The following C1orf198 variants were observed in gnomAD, a reference collection of about 807,000 sequenced individuals.
C1orf198 encodes the protein uncharacterized protein C1orf198.
In C1orf198, 17 loss-of-function variants were observed where a neutral mutation model predicts 31.4. The observed-to-expected ratio is 0.54, with a 90% CI of 0.37 to 0.81. C1orf198 has a LOEUF of 0.81. Among genes scored for constraint, C1orf198 ranks in the 40% least tolerant of loss-of-function variants. C1orf198 has a pLI of 0.00. For missense variants in C1orf198, 401 were observed against 450.3 expected (o/e 0.89, Z 0.99); for synonymous variants, 175 against 193.8 (o/e 0.90, Z 0.81).
At chr1:230,861,071 C>G (rs531190014) in intron 1 of C1orf198, among the ~76,000 whole-genome samples, 2 of 152,076 alleles carry the variant, frequency 1.3e-5, no homozygotes, top group African/African-American at 4.8e-5. Flanking sequence ...GCCTGGGGGG[C>G]GGGAGGCATG....
intron 1 of C1orf198, among the ~76,000 whole-genome samples, chr1:230,867,117 C>T (rs1484892997): frequency 2.0e-4 from 31 of 152,180 alleles, no homozygotes; most frequent in Admixed American, 2.0e-3. Flanking sequence ...TCTCTCCCAG[C>T]TTCTCCTTCC....
intron 1 of C1orf198, among the ~76,000 whole-genome samples, chr1:230,861,808 G>A (rs1391888089): frequency 6.6e-6 from 1 of 152,232 alleles, no homozygotes; most frequent in Non-Finnish European, 1.5e-5. Flanking sequence ...TAGGCGGGGA[G>A]TGAGGGGCTT....
rs373887886 is a variant in C1orf198, at chr1:230,843,334, C to T, written c.927+20G>A. On this transcript the variant is annotated intron_variant, in intron 3 of 3. Transcript: ENST00000366663. This position sits in a 1 kb window ranked among gnomAD's most constrained non-coding sequence, Gnocchi z 4.9. ...TAAGGCACCATCCCATCTGAGGACG[C>T]GCTGGTAAAGGCCACTCACCTGTGC... 1.2e-4 allele frequency: 193 copies of T among 1,550,848 alleles called. No individual in the cohort carries two copies. In the African/African-American group the frequency reaches 1.8e-3, roughly 14 times the overall value.
Position 230,843,977 on chromosome 1 carries a change from C to G in C1orf198, c.385-81G>C. ...GTCACAAGTGTGCCAGCTCACGCAC[C>G]CCTCCTCAGCATAAGGACGCACACC... On this transcript the variant is annotated intron_variant, in intron 2 of 3. Transcript: ENST00000366663. This position sits in a 1 kb window ranked among gnomAD's most constrained non-coding sequence, Gnocchi z 4.9. 1 of 1,391,552 alleles carries G rather than the reference C, an allele frequency of 7.2e-7. No individual in the cohort carries two copies. The highest frequency in any genetic ancestry group is 9.6e-7 in the Non-Finnish European group (1 of 1,038,394). 86.2% of individuals were successfully genotyped at this position (1,391,552 alleles called of 1,614,324 possible).
intron 2 of C1orf198, 60 bp downstream of exon 2, chr1:230,855,608 A>G: frequency 6.4e-7 from 1 of 1,560,810 alleles, no homozygotes; most frequent in Non-Finnish European, 8.7e-7. Flanking sequence ...TGAAAGAAAA[A>G]TATACAACTA....
chr1:230,843,048 T>C lies in C1orf198; in HGVS notation c.927+306A>G, dbSNP rs574052454. On this transcript the variant is annotated intron_variant, in intron 3 of 3. Coordinates refer to ENST00000366663, the MANE Select transcript of C1orf198 (RefSeq NM_032800.3). This position sits in a 1 kb window ranked among gnomAD's most constrained non-coding sequence, Gnocchi z 4.9. The stretch of plus-strand genomic sequence containing the variant: ...ACACAGCTTTGAGCTGTGACAGCCC[T>C]GGGCGCAGCGCCTTCCAGGGGCCTC... Among the ~76,000 whole-genome samples the C allele has an allele frequency of 5.3e-5, 8 of 152,360 alleles. No individual in the cohort carries two copies. The highest frequency in any genetic ancestry group is 1.0e-4 in the Non-Finnish European group (7 of 68,028).
intron 1 of C1orf198, among the ~76,000 whole-genome samples, chr1:230,860,365 C>A (rs970533534): frequency 6.6e-6 from 1 of 152,152 alleles, no homozygotes. Flanking sequence ...TAGGTATACA[C>A]CCGAAAGAAC....
At chr1:230,851,698 C>T (rs1337428251) in intron 2 of C1orf198, among the ~76,000 whole-genome samples, 2 of 152,192 alleles carry the variant, frequency 1.3e-5, no homozygotes, top group Non-Finnish European at 2.9e-5. Flanking sequence ...TGGAAGAAGT[C>T]TGGGTAACAG....
intron 1 of C1orf198, among the ~76,000 whole-genome samples, chr1:230,865,089 C>T (rs375016328): frequency 6.6e-5 from 10 of 152,330 alleles, no homozygotes; most frequent in African/African-American, 1.2e-4. Context: ...CCAAAGTGCA[C>T]GGCCCCAGTG....
At chr1:230,848,895 G>A (rs1052078307) in intron 2 of C1orf198, among the ~76,000 whole-genome samples, 20 of 152,144 alleles carry the variant, frequency 1.3e-4, no homozygotes, top group African/African-American at 4.8e-4. Context: ...CCAGGTGGGG[G>A]CCCAGGGGAG....
At chr1:230,863,632 G>A (rs1343725101) in intron 1 of C1orf198, among the ~76,000 whole-genome samples, 1 of 152,224 alleles carries the variant, frequency 6.6e-6, no homozygotes, top group Non-Finnish European at 1.5e-5. Context: ...GGTGCCTGGG[G>A]AGGAGAGGCC....
intron 1 of C1orf198, among the ~76,000 whole-genome samples, chr1:230,867,127 C>T (rs1222098151): frequency 2.0e-4 from 30 of 152,182 alleles, no homozygotes; most frequent in Admixed American, 2.0e-3. Context: ...CTTCTCCTTC[C>T]TCTAGCCCAA....
intron 1 of C1orf198, among the ~76,000 whole-genome samples, chr1:230,866,757 A>C (rs999311064): frequency 6.6e-6 from 1 of 152,210 alleles, no homozygotes; most frequent in Non-Finnish European, 1.5e-5. Flanking sequence ...GGGCGCAAAC[A>C]CTGCACACAA....
chr1:230,851,752 AGGGTGGACAGGCTGGAAAACCAGGT>A (rs1276202361), intron 2 of C1orf198, among the ~76,000 whole-genome samples: 1 of 152,202 alleles, frequency 6.6e-6, no homozygotes, highest in Non-Finnish European at 1.5e-5. Flanking sequence ...CAACCGAGGC[AGGGTGGACAGGCTGGAAAACCAGGT>A]GGGTGCACAG....
At chr1:230,864,686 C>T (rs761629428) in intron 1 of C1orf198, among the ~76,000 whole-genome samples, 2 of 152,118 alleles carry the variant, frequency 1.3e-5, no homozygotes, top group Non-Finnish European at 2.9e-5. Context: ...TAGGTCCACG[C>T]GAACAAGACG....
At chr1:230,866,662 G>T (rs1670125715) in intron 1 of C1orf198, among the ~76,000 whole-genome samples, 1 of 152,130 alleles carries the variant, frequency 6.6e-6, no homozygotes, top group South Asian at 2.1e-4. Context: ...TCCAACATTT[G>T]TAAGTACTTA....
intron 1 of C1orf198, among the ~76,000 whole-genome samples, chr1:230,860,999 C>A (rs557716394): frequency 3.3e-4 from 50 of 152,118 alleles, no homozygotes; most frequent in Non-Finnish European, 5.3e-4. Flanking sequence ...ATGATTCCAG[C>A]TATATGATAT....
At chr1:230,862,285 T>A (rs1164591357) in intron 1 of C1orf198, among the ~76,000 whole-genome samples, 1 of 152,242 alleles carries the variant, frequency 6.6e-6, no homozygotes, top group African/African-American at 2.4e-5. Context: ...CACAGCTCCA[T>A]GCACAACTGT....
intron 2 of C1orf198, among the ~76,000 whole-genome samples, chr1:230,845,255 G>A (rs1048200474): frequency 4.7e-4 from 69 of 148,374 alleles, no homozygotes; most frequent in African/African-American, 1.6e-3. Flanking sequence ...GATGACACAC[G>A]CCTGTGGTCC....
Sources: gnomAD v4.1 joint callset for allele counts (sites outside exome capture counted in the v4.1 genomes callset) on GRCh38, gnomAD v4.1.1 for gene constraint, Gnocchi (gnomAD v3.1) non-coding constraint, MANE v1.5 for transcripts, NCBI Gene and HGNC (gene_info 2026-07-23, HGNC 2026-07-21) for gene names.